The following RIMBP2 variants were observed in gnomAD, a reference collection of about 807,000 sequenced individuals.
RIMBP2 encodes RIMS-binding protein 2.
A neutral mutation model predicts 118.6 loss-of-function variants in RIMBP2; 48 were observed. The observed-to-expected ratio is 0.40, with a 90% CI of 0.32 to 0.51. The LOEUF is 0.51. RIMBP2 is among the 20% of genes least tolerant of loss of function. The pLI is 0.41. For synonymous variants in RIMBP2, 762 were observed against 742.9 expected (o/e 1.03, Z -0.42); for missense variants, 1,551 against 1,768.3 (o/e 0.88, Z 2.20).
intron 7 of RIMBP2, among the ~76,000 whole-genome samples, chr12:130,455,587 G>A (rs771905074): frequency 6.6e-6 from 1 of 152,176 alleles, no homozygotes; most frequent in Non-Finnish European, 1.5e-5. Context: ...GGGAAGGCGT[G>A]GGACGAGCGG....
intron 1 of RIMBP2, among the ~76,000 whole-genome samples, chr12:130,698,419 C>T (rs1002952769): frequency 2.4e-4 from 36 of 152,228 alleles, no homozygotes; most frequent in Non-Finnish European, 3.4e-4. Flanking sequence ...ATGACTCAGC[C>T]CCACAAAATT....
intron 1 of RIMBP2, among the ~76,000 whole-genome samples, chr12:130,691,727 AAC>A (rs1413002056): frequency 3.9e-5 from 6 of 152,316 alleles, no homozygotes; most frequent in African/African-American, 7.2e-5. Context: ...GGGGGAGAAA[AAC>A]AGCCCAGAAG....
intron 1 of RIMBP2, chr12:130,669,008 C>T (rs555224839): frequency 6.6e-6 from 1 of 152,418 alleles, no homozygotes; most frequent in Non-Finnish European, 1.5e-5. Context: ...TTATATAACA[C>T]GTGGAGGTGT....
rs1031091412 is a variant in RIMBP2, at chr12:130,424,374, C to T, written c.2897G>A (p.Arg966Gln). 6.8e-5 allele frequency: 84 copies of T among 1,232,752 alleles called. No homozygotes were observed. The highest frequency in any genetic ancestry group is 9.5e-5 in the East Asian group (3 of 31,684). The allele number at this position is 1,232,752 out of a possible 1,614,324, so 76.4% of individuals were successfully genotyped here. The stretch of plus-strand genomic sequence containing the variant: ...AAAGTCCTCCTCCACGCTGCTCTGC[C>T]GGGTCAGCGTCCGCCGCCGGGCCAG... Reference protein sequence around the residue: ...PLLARRRTLTRQSSVEEDFGE... With the variant: ...PLLARRRTLTQQSSVEEDFGE... Residue 966 changes from arginine to glutamine, a missense_variant, in exon 16 of 23, where the codon CGG becomes CAG. By Grantham distance (43) the Arg-to-Gln change is conservative. Around this residue, in one of 5 missense-constraint regions of RIMBP2, gnomAD observed 1,038 missense variants for 1,125.1 expected, o/e 0.92. Coordinates refer to ENST00000690449, the MANE Select transcript of RIMBP2 (RefSeq NM_001393629.1). The surrounding 1 kb of genome is among the most constrained non-coding windows in gnomAD (Gnocchi z 9.8).
intron 2 of RIMBP2, among the ~76,000 whole-genome samples, chr12:130,625,378 T>A (rs1287961607): frequency 2.0e-5 from 3 of 152,188 alleles, no homozygotes; most frequent in African/African-American, 7.2e-5. Context: ...ATTGTGGATT[T>A]AGACAGGAAA....
chr12:130,456,356 T>C (rs947356647), intron 7 of RIMBP2, 140 bp downstream of exon 7: 9 of 691,778 alleles, frequency 1.3e-5, no homozygotes, highest in Non-Finnish European at 1.9e-5. Flanking sequence ...AGCCCTGTTC[T>C]CATCCTTCCC....
At chr12:130,454,190 C>T (rs1433480634) in intron 7 of RIMBP2, among the ~76,000 whole-genome samples, 1 of 152,210 alleles carries the variant, frequency 6.6e-6, no homozygotes, top group Non-Finnish European at 1.5e-5. Context: ...TGTTAATTAG[C>T]TTGGCTGTGG....
In RIMBP2 at chr12:130,567,697, G is replaced by A. The variant is rs550925201; in HGVS notation, c.-216-49780C>T. ...TCCCCCTGGGCATAGCAGCCACAGCGGCCAACACCCCTTTCAGGGGTCTGG... is the reference window on the plus strand; with the variant it reads ...TCCCCCTGGGCATAGCAGCCACAGCAGCCAACACCCCTTTCAGGGGTCTGG... On this transcript the variant is annotated intron_variant, in intron 2 of 22. Transcript: ENST00000690449. Among the ~76,000 whole-genome samples, 7 of 152,292 alleles carry A rather than the reference G, an allele frequency of 4.6e-5. No homozygotes were observed. In the East Asian group the frequency reaches 7.7e-4, roughly 17 times the overall value.
In RIMBP2 at chr12:130,406,038, TAAGCA is replaced by T; in HGVS notation, c.3765+129_3765+133del. The stretch of plus-strand genomic sequence containing the variant: ...AGCAAAGTTCTATAACTCAGCCAAT[TAAGCA>T]AAGCTATCAGCAGGCGTATGACGTT... On this transcript the variant is annotated intron_variant, in intron 21 of 22. Transcript: ENST00000690449. The T allele has an allele frequency of 9.5e-6, 6 of 632,348 alleles. 1 individual carries two copies. Among genetic ancestry groups the T allele is most frequent in the Non-Finnish European group, 1.4e-5 (5 of 352,860 alleles). 39.2% of individuals were successfully genotyped at this position (632,348 alleles called of 1,614,324 possible). A position where few individuals can be genotyped will look rare whatever the true frequency, so the allele number is the denominator to read the frequency against.
chr12:130,655,420 T>C (rs1411947663), intron 1 of RIMBP2, among the ~76,000 whole-genome samples: 2 of 151,924 alleles, frequency 1.3e-5, no homozygotes, highest in Non-Finnish European at 2.9e-5. Context: ...AGACAGGACC[T>C]GAGGAGGACA....
chr12:130,637,267 A>T (rs2062394376), intron 1 of RIMBP2, among the ~76,000 whole-genome samples: 1 of 152,174 alleles, frequency 6.6e-6, no homozygotes, highest in African/African-American at 2.4e-5. Context: ...GCTTATCACC[A>T]GTTGCCCCAG....
intron 2 of RIMBP2, among the ~76,000 whole-genome samples, chr12:130,585,862 G>A (rs986662527): frequency 3.9e-5 from 6 of 152,070 alleles, no homozygotes; most frequent in African/African-American, 1.2e-4. Context: ...TCACTTCTTG[G>A]TCTGGCCCCC....
chr12:130,613,016 C>T (rs1189013141), intron 2 of RIMBP2, among the ~76,000 whole-genome samples: 1 of 152,104 alleles, frequency 6.6e-6, no homozygotes, highest in African/African-American at 2.4e-5. Context: ...CCTGGGTTAC[C>T]ATTCACCAGC....
chr12:130,714,216 G>A (rs1350775071), intron 1 of RIMBP2, among the ~76,000 whole-genome samples: 1 of 152,234 alleles, frequency 6.6e-6, no homozygotes, highest in African/African-American at 2.4e-5. Flanking sequence ...CTGAGCACAT[G>A]CTGGTCTCTT....
intron 2 of RIMBP2, among the ~76,000 whole-genome samples, chr12:130,544,185 C>T (rs988192309): frequency 2.6e-5 from 4 of 152,218 alleles, no homozygotes; most frequent in African/African-American, 9.6e-5. Flanking sequence ...GTCCTGACCC[C>T]TTTCACTTCC....
intron 22 of RIMBP2, chr12:130,399,270 T>G: frequency 1.8e-6 from 1 of 548,036 alleles, no homozygotes; most frequent in Non-Finnish European, 2.7e-6. Context: ...AACATGAATG[T>G]AGTCTAATAG....
chr12:130,613,264 CCAATTGTGGGAGCTGCGACCGCCCCG>C (rs2060672740), intron 2 of RIMBP2, among the ~76,000 whole-genome samples: 1 of 152,204 alleles, frequency 6.6e-6, no homozygotes, highest in Non-Finnish European at 1.5e-5. Flanking sequence ...CCCAGGTACT[CCAATTGTGGGAGCTGCGACCGCCCCG>C]CCAGAGGGCC....
At chr12:130,459,437 C>T (rs971812577) in intron 6 of RIMBP2, among the ~76,000 whole-genome samples, 9 of 152,046 alleles carry the variant, frequency 5.9e-5, no homozygotes, top group African/African-American at 1.2e-4. Flanking sequence ...AGAGGGGCCA[C>T]GGGAACTCCC....
At chr12:130,408,286 T>C (rs754163499) in intron 19 of RIMBP2, among the ~76,000 whole-genome samples, 1 of 152,226 alleles carries the variant, frequency 6.6e-6, no homozygotes, top group Non-Finnish European at 1.5e-5. Flanking sequence ...AATCAAGTCA[T>C]GCTCCCCTAA....
Sources: gnomAD v4.1 joint callset for allele counts (sites outside exome capture counted in the v4.1 genomes callset) on GRCh38, gnomAD v4.1.1 for gene constraint, gnomAD v4.1.1 regional missense constraint, Gnocchi (gnomAD v3.1) non-coding constraint, MANE v1.5 for transcripts, NCBI Gene and HGNC (gene_info 2026-07-23, HGNC 2026-07-21) for gene names.